HABP4: variants seen among roughly 807,000 people sequenced by gnomAD.
The protein encoded by HABP4 is hyaluronan binding protein 4, also known as intracellular hyaluronan-binding protein 4.
HABP4 carries 32 observed loss-of-function variants against 44.1 expected under a neutral mutation model. The observed-to-expected ratio is 0.73, with a 90% CI of 0.55 to 0.97. The LOEUF (loss-of-function observed/expected upper bound fraction) is 0.97. Among genes scored for constraint, HABP4 ranks in the 50% least tolerant of loss-of-function variants. The probability of loss-of-function intolerance (pLI) is 0.00; values close to 1 mark genes in which losing one functional copy is unlikely to be tolerated. For synonymous variants in HABP4, 216 were observed against 218.0 expected, an observed-to-expected ratio of 0.99 and a Z score of 0.08; for missense variants, 503 against 561.9, an observed-to-expected ratio of 0.90 and a Z score of 1.06.
At position 96,491,323 on chromosome 9, in the gene HABP4, GTA is replaced by G. The variant is rs1833092475; in HGVS notation, c.*1287_*1288del. The stretch of plus-strand genomic sequence containing the variant: ...GGAACCCAAGTGCAAATAAAGGTTG[GTA>G]TTCGCTCCTGACTTTGTGTAGAGAA... On this transcript the variant is annotated 3_prime_UTR_variant, in exon 8 of 8. Coordinates refer to ENST00000375249, the MANE Select transcript of HABP4 (RefSeq NM_014282.4). 6.6e-6 allele frequency: 1 copy of G among 152,160 alleles called. No homozygotes were observed. Among genetic ancestry groups the G allele is most frequent in the Non-Finnish European group, 1.5e-5 (1 of 68,040 alleles). 9.4% of individuals were successfully genotyped at this position (152,160 alleles called of 1,614,324 possible). A position where few individuals can be genotyped will look rare whatever the true frequency, so the allele number is the denominator to read the frequency against.
Position 96,450,486 on chromosome 9 carries a change from C to T in HABP4, c.207C>T (p.Pro69=). Residue 69 remains proline (P), a synonymous_variant, in exon 1 of 8, where the codon CCC becomes CCT. Transcript: ENST00000375249. This position sits in a 1 kb window ranked among gnomAD's most constrained non-coding sequence, Gnocchi z 4.8. ...DEAAAAAGAG[P]RGGRSPAGAS... is the part of the protein sequence containing the mutation. ...CGGCGGCGGCGGCCGGGGCCGGTCC[C>T]CGCGGCGGCAGGAGCCCAGCCGGGG... 8.2e-7 allele frequency: 1 copy of T among 1,213,922 alleles called. No homozygotes were observed. Among genetic ancestry groups the T allele is most frequent in the Non-Finnish European group, 1.0e-6 (1 of 975,426 alleles). The allele number at this position is 1,213,922 out of a possible 1,614,324, so 75.2% of individuals were successfully genotyped here. A position where few individuals can be genotyped will look rare whatever the true frequency, so the allele number is the denominator to read the frequency against.
At chr9:96,486,468 A>C (rs1832979009) in intron 6 of HABP4, among the ~76,000 whole-genome samples, 1 of 152,222 alleles carries the variant, frequency 6.6e-6, no homozygotes, top group Non-Finnish European at 1.5e-5. Flanking sequence ...TGCTGTCAGG[A>C]TTGAAATATG....
Position 96,471,022 on chromosome 9 carries a change from C to T in HABP4, c.755C>T (p.Pro252Leu), listed in dbSNP as rs932738612. Residue 252 changes from proline (P) to leucine (L), a missense_variant, in exon 5 of 8, where the codon CCA becomes CTA. Physicochemically the swap from Pro to Leu is moderately conservative, Grantham distance 98 (BLOSUM62 -3). Coordinates refer to ENST00000375249, the MANE Select transcript of HABP4 (RefSeq NM_014282.4). ...GSGKDTSDVE[P>L]TAPMEEPTVV... ...TTGCTGTTTTTCAGTGATGTGGAGC[C>T]AACTGCACCGATGGAGGAACCCACA... is the stretch of plus-strand genomic sequence containing the variant. The T allele has an allele frequency of 8.8e-6, 14 of 1,598,068 alleles. No homozygotes were observed. The highest frequency in any genetic ancestry group is 1.0e-5 in the Non-Finnish European group (12 of 1,165,532).
Position 96,466,750 on chromosome 9 carries a change from C to T in HABP4, c.743+972C>T, listed in dbSNP as rs117713357. ...TAGTTAGAGTGGATACATGGTTCTG[C>T]TCTGTTTTATTTCACAGCTGGAGGG... On this transcript the variant is annotated intron_variant, in intron 4 of 7. Transcript: ENST00000375249. 1.0e-3 allele frequency among the ~76,000 whole-genome samples: 153 copies of T among 152,196 alleles called. 3 individuals are homozygous for T. In the East Asian group the frequency reaches 0.026, roughly 26 times the overall value.
At chr9:96,471,562 C>T (rs60845420) in intron 5 of HABP4, among the ~76,000 whole-genome samples, 3,673 of 152,210 alleles carry the variant, frequency 0.024, 151 homozygotes, top group African/African-American at 0.085. Context: ...TTAGTTCAGA[C>T]AACCTAATGA....
chr9:96,464,772 G>A (rs1255429559), intron 2 of HABP4, among the ~76,000 whole-genome samples: 1 of 152,152 alleles, frequency 6.6e-6, no homozygotes, highest in Admixed American at 6.6e-5. Context: ...GAGTAATGAG[G>A]TGGAAGGCAG....
rs200355335 is a variant in HABP4, at chr9:96,486,201, C to CA, written c.999+1577dup. Among the ~76,000 whole-genome samples the CA allele has an allele frequency of 9.7e-3, 1,466 of 150,954 alleles. 25 individuals carry two copies. The highest frequency in any genetic ancestry group is 0.034 in the African/African-American group (1,406 of 41,228). ...AGTGAGACTTCGTCTCCAAACAAAACAAAAAAAAAGATACAGGATTCTCTC... is the reference window on the plus strand; with the variant it reads ...AGTGAGACTTCGTCTCCAAACAAAACAAAAAAAAAAGATACAGGATTCTCTC... On this transcript the variant is annotated intron_variant, in intron 6 of 7. Transcript: ENST00000375249.
Position 96,450,774 on chromosome 9 carries a change from A to G in HABP4, c.349+146A>G, listed in dbSNP as rs893963113. 3.5e-4 allele frequency: 219 copies of G among 630,438 alleles called. No individual in the cohort carries two copies. The highest frequency in any genetic ancestry group is 4.5e-4 in the Non-Finnish European group (201 of 445,648). 39.1% of individuals were successfully genotyped at this position (630,438 alleles called of 1,614,324 possible). On this transcript the variant is annotated intron_variant, in intron 1 of 7. Coordinates refer to ENST00000375249, the MANE Select transcript of HABP4 (RefSeq NM_014282.4). This position sits in a 1 kb window ranked among gnomAD's most constrained non-coding sequence, Gnocchi z 4.8. The stretch of plus-strand genomic sequence containing the variant: ...CCGCCGAAGGTAGGAGGAGAGGGGC[A>G]GGGGTCACACCCCTTCCAGCTCTCG...
At chr9:96,454,736 C>G (rs1832344969) in intron 1 of HABP4, among the ~76,000 whole-genome samples, 1 of 152,174 alleles carries the variant, frequency 6.6e-6, no homozygotes, top group South Asian at 2.1e-4. Flanking sequence ...GCATGAGCCA[C>G]CGCGCCTGGC....
At chr9:96,454,220 A>G (rs1832334118) in intron 1 of HABP4, among the ~76,000 whole-genome samples, 1 of 152,178 alleles carries the variant, frequency 6.6e-6, no homozygotes, top group African/African-American at 2.4e-5. Flanking sequence ...GAGTGGAGAT[A>G]ATAAAAGATG....
intron 1 of HABP4, among the ~76,000 whole-genome samples, chr9:96,454,650 G>A (rs933011365): frequency 1.3e-4 from 20 of 151,978 alleles, no homozygotes; most frequent in African/African-American, 3.9e-4. Context: ...AGGGTTCACC[G>A]CGTCAGCCAG....
chr9:96,452,245 A>AT (rs1002629277), intron 1 of HABP4, among the ~76,000 whole-genome samples: 8 of 145,204 alleles, frequency 5.5e-5, no homozygotes, highest in Non-Finnish European at 1.1e-4. Flanking sequence ...AAAAAAAAAA[A>AT]TTCTGTGCTT....
chr9:96,474,987 C>A (rs567392106), intron 5 of HABP4, among the ~76,000 whole-genome samples: 1 of 152,320 alleles, frequency 6.6e-6, no homozygotes, highest in South Asian at 2.1e-4. Context: ...CTTCCATCTT[C>A]TCCTTTCATT....
chr9:96,461,085 G>A (rs190406041), intron 2 of HABP4, among the ~76,000 whole-genome samples: 24 of 152,296 alleles, frequency 1.6e-4, no homozygotes, highest in Non-Finnish European at 2.9e-5. Flanking sequence ...TCACAAGTGG[G>A]AAGCCTGAAG....
At chr9:96,471,539 A>G (rs538995484) in intron 5 of HABP4, among the ~76,000 whole-genome samples, 3 of 152,308 alleles carry the variant, frequency 2.0e-5, no homozygotes, top group African/African-American at 7.2e-5. Context: ...CTGGTGATCA[A>G]ACTAATTAAT....
chr9:96,472,552 C>T (rs570584949), intron 5 of HABP4, among the ~76,000 whole-genome samples: 5 of 152,264 alleles, frequency 3.3e-5, no homozygotes, highest in Admixed American at 6.5e-5. Context: ...TGCTAACCAT[C>T]GGGCTGCCAT....
At chr9:96,472,425 A>G (rs548605708) in intron 5 of HABP4, among the ~76,000 whole-genome samples, 13 of 152,210 alleles carry the variant, frequency 8.5e-5, no homozygotes, top group Admixed American at 6.5e-4. Flanking sequence ...TCTGGATGCA[A>G]CATTTCCTTC....
intron 5 of HABP4, among the ~76,000 whole-genome samples, chr9:96,472,656 C>G (rs1832717222): frequency 6.6e-6 from 1 of 152,304 alleles, no homozygotes; most frequent in Admixed American, 6.5e-5. Flanking sequence ...GTATATTCAT[C>G]TCCTTCCTCC....
At position 96,458,483 on chromosome 9, in the gene HABP4, C is replaced by G; in HGVS notation, c.454C>G (p.Arg152Gly). The G allele has an allele frequency of 6.2e-7, 1 of 1,613,064 alleles. No individual in the cohort carries two copies. The highest frequency in any genetic ancestry group is 8.5e-7 in the Non-Finnish European group (1 of 1,179,028). The change falls in exon 2 of 8, where the codon CGA (arginine) becomes GGA (glycine). Residue 152 changes from arginine to glycine, a missense_variant. Arg to Gly is a moderately radical substitution (Grantham distance 125). Coordinates refer to ENST00000375249, the MANE Select transcript of HABP4 (RefSeq NM_014282.4). ...RAERRSYREY[R>G]PYETERQADF... ...TGAGCGGAGATCCTACAGGGAATAC[C>G]GACCCTATGAGACAGAGAGGCAGGC... is the stretch of plus-strand genomic sequence containing the variant.
Sources: gnomAD v4.1 joint callset for allele counts (sites outside exome capture counted in the v4.1 genomes callset) on GRCh38, gnomAD v4.1.1 for gene constraint, Gnocchi (gnomAD v3.1) non-coding constraint, MANE v1.5 for transcripts, NCBI Gene and HGNC (gene_info 2026-07-23, HGNC 2026-07-21) for gene names.